PLSCR4: variants seen among roughly 807,000 people sequenced by gnomAD.
PLSCR4 encodes the protein Ca(2+)-dependent phospholipid scramblase 4.
In PLSCR4, 25 loss-of-function variants were observed where a neutral mutation model predicts 36.3. The ratio of observed to expected loss-of-function variants is 0.69; its 90% confidence interval spans 0.50 to 0.96. PLSCR4 has a LOEUF of 0.96. Among genes scored for constraint, PLSCR4 ranks in the 40% least tolerant of loss-of-function variants. The probability of loss-of-function intolerance (pLI) is 0.00; values close to 1 mark genes in which losing one functional copy is unlikely to be tolerated. For missense variants in PLSCR4, 408 were observed against 414.7 expected (o/e 0.98, Z 0.14); for synonymous variants, 122 against 132.9 (o/e 0.92, Z 0.56).
Position 146,222,054 on chromosome 3 carries a change from C to T in PLSCR4, c.7+11G>A. On this transcript the variant is annotated intron_variant, in intron 2 of 8. Transcript: ENST00000354952. ...AATAAAGCATATTCAAATTTATTCA[C>T]AAAAACTTACCTGACATTTTGAAGA... 7.9e-7 allele frequency: 1 copy of T among 1,259,874 alleles called. No homozygotes were observed. The highest frequency in any genetic ancestry group is 1.1e-6 in the Non-Finnish European group (1 of 918,340). The allele number at this position is 1,259,874 out of a possible 1,614,324, so 78.0% of individuals were successfully genotyped here. A position where few individuals can be genotyped will look rare whatever the true frequency, so the allele number is the denominator to read the frequency against.
At chr3:146,227,830 T>C (rs1000431884) in intron 1 of PLSCR4, among the ~76,000 whole-genome samples, 1 of 152,092 alleles carries the variant, frequency 6.6e-6, no homozygotes, top group Non-Finnish European at 1.5e-5. Flanking sequence ...GCAAGAAAAA[T>C]AGCTCGCTCC....
chr3:146,248,543 C>CTTTAA (rs143018409), intron 1 of PLSCR4, among the ~76,000 whole-genome samples: 1 of 50,946 alleles, frequency 2.0e-5, no homozygotes, highest in Non-Finnish European at 6.4e-5. Context: ...TGTGTTTTAA[C>CTTTAA]TTTATGTTTT....
At chr3:146,244,568 GT>G (rs1559930564) in intron 1 of PLSCR4, among the ~76,000 whole-genome samples, 1 of 151,990 alleles carries the variant, frequency 6.6e-6, no homozygotes. Flanking sequence ...GATCTTTGAT[GT>G]TACTATTATA....
chr3:146,209,271 T>C (rs749565978), intron 3 of PLSCR4, among the ~76,000 whole-genome samples: 8 of 151,786 alleles, frequency 5.3e-5, no homozygotes, highest in Non-Finnish European at 1.2e-4. Flanking sequence ...GGGGTAATGA[T>C]GGGAAGGGGG....
intron 1 of PLSCR4, among the ~76,000 whole-genome samples, chr3:146,236,608 T>C (rs1185792835): frequency 1.3e-5 from 2 of 152,152 alleles, no homozygotes; most frequent in African/African-American, 4.8e-5. Context: ...CTGCACAAGC[T>C]CTTCTCTTGG....
rs367879747 is a variant in PLSCR4 at position 146,230,136 on chromosome 3, T to G, written c.-21-8044A>C. Among the ~76,000 whole-genome samples the G allele has an allele frequency of 3.7e-4, 57 of 152,252 alleles. 5 individuals are homozygous for G. In the South Asian group the frequency reaches 8.9e-3, roughly 24 times the overall value. On this transcript the variant is annotated intron_variant, in intron 1 of 8. Transcript: ENST00000354952. ...AAGTAGGCCCCTAAGCCTGTGGAGT[T>G]GCAAATTCTGGGTGTTTAGAGTCAG...
intron 3 of PLSCR4, among the ~76,000 whole-genome samples, chr3:146,217,288 A>G (rs2034942930): frequency 6.6e-6 from 1 of 152,226 alleles, no homozygotes; most frequent in African/African-American, 2.4e-5. Flanking sequence ...TACGATATAG[A>G]TGCTAACACA....
chr3:146,222,038 T>C (rs2035175754), intron 2 of PLSCR4, 27 bp downstream of exon 2: 4 of 1,204,084 alleles, frequency 3.3e-6, no homozygotes, highest in Non-Finnish European at 4.6e-6. Context: ...AAATAAAGCA[T>C]ATTCAAATTT....
chr3:146,217,154 A>G (rs1038074468), intron 3 of PLSCR4, among the ~76,000 whole-genome samples: 14 of 152,222 alleles, frequency 9.2e-5, no homozygotes, highest in African/African-American at 3.4e-4. Flanking sequence ...TGGAGGCTAC[A>G]AAGATGTATA....
At chr3:146,233,222 C>T (rs755277575) in intron 1 of PLSCR4, among the ~76,000 whole-genome samples, 2 of 151,930 alleles carry the variant, frequency 1.3e-5, no homozygotes, top group Non-Finnish European at 2.9e-5. Flanking sequence ...ATTCTCTCGG[C>T]CACATACTAT....
At chr3:146,198,443 C>T (rs1301219628) in intron 6 of PLSCR4, among the ~76,000 whole-genome samples, 1 of 152,082 alleles carries the variant, frequency 6.6e-6, no homozygotes, top group Admixed American at 6.6e-5. Context: ...CTCTGTCACC[C>T]AGGCTGGAGT....
chr3:146,196,268 T>C (rs1003093701), intron 7 of PLSCR4: 6 of 208,488 alleles, frequency 2.9e-5, no homozygotes, highest in African/African-American at 1.2e-4. Context: ...TGTTGGGCAC[T>C]TGCATTACTT....
chr3:146,237,553 A>G (rs1206068206), intron 1 of PLSCR4, among the ~76,000 whole-genome samples: 1 of 152,078 alleles, frequency 6.6e-6, no homozygotes, highest in Non-Finnish European at 1.5e-5. Flanking sequence ...GGAAAACTAA[A>G]TTATAAATCA....
At chr3:146,235,084 C>T (rs776362921) in intron 1 of PLSCR4, among the ~76,000 whole-genome samples, 32 of 151,764 alleles carry the variant, frequency 2.1e-4, no homozygotes, top group Non-Finnish European at 3.2e-4. Context: ...GACTACAACA[C>T]AATATAGAAT....
intron 6 of PLSCR4, 95 bp from the exon 7 acceptor site, chr3:146,196,888 T>G: frequency 9.8e-7 from 1 of 1,024,340 alleles, no homozygotes; most frequent in Admixed American, 2.3e-5. Flanking sequence ...TCCTCACTCA[T>G]TCAAAGACTA....
chr3:146,206,756 G>T lies in PLSCR4; in HGVS notation c.124C>A (p.Pro42Thr). ...EYNSHFLPGPPGTAVPPPTGY... is the reference protein window; with the variant it reads ...EYNSHFLPGPTGTAVPPPTGY... ...GTAGGTGGAGGGACAGCTGTTCCAG[G>T]GGGTCCTGTGTTCAAAAGAAATCAA... The change falls in exon 4 of 9, where the codon CCT becomes ACT. Residue 42 changes from proline (P) to threonine (T), a missense_variant. Physicochemically the swap from Pro to Thr is conservative, Grantham distance 38. Transcript: ENST00000354952. 6.3e-7 allele frequency: 1 copy of T among 1,576,132 alleles called. No homozygotes were observed. Among genetic ancestry groups the T allele is most frequent in the Non-Finnish European group, 8.6e-7 (1 of 1,158,078 alleles).
intron 1 of PLSCR4, among the ~76,000 whole-genome samples, chr3:146,245,898 CT>C (rs1230125025): frequency 2.6e-5 from 4 of 152,060 alleles, no homozygotes; most frequent in African/African-American, 2.4e-5. Context: ...TCTTTATAGA[CT>C]TTAAGCCAAA....
intron 3 of PLSCR4, 127 bp from the exon 4 acceptor site, chr3:146,206,888 C>T: frequency 3.1e-6 from 2 of 639,832 alleles, no homozygotes; most frequent in South Asian, 3.9e-5. Flanking sequence ...TTTTGATTCA[C>T]ACTTTATGCA....
chr3:146,244,781 C>T (rs542426976), intron 1 of PLSCR4, among the ~76,000 whole-genome samples: 194 of 152,096 alleles, frequency 1.3e-3, no homozygotes, highest in Non-Finnish European at 2.3e-3. Flanking sequence ...AAAGAAGGTT[C>T]GTGCATCTCT....
Sources: allele counts gnomAD v4.1 joint callset (sites outside exome capture counted in the v4.1 genomes callset), GRCh38; gene constraint gnomAD v4.1.1; transcripts MANE v1.5; gene names NCBI Gene and HGNC (gene_info 2026-07-23, HGNC 2026-07-21).